Variants in PPARG observed in about 807,000 individuals in gnomAD.
The protein encoded by PPARG is peroxisome proliferator activated receptor gamma, also known as peroxisome proliferator-activated receptor gamma.
Under a neutral mutation model 39.2 loss-of-function variants are expected in PPARG, and 17 were observed. The observed-to-expected ratio is 0.43, with a 90% CI of 0.30 to 0.65. The LOEUF is 0.65. Among genes scored for constraint, PPARG ranks in the 30% least tolerant of loss-of-function variants. The pLI, the probability that PPARG is intolerant of heterozygous loss-of-function variation, is 0.13. For missense variants in PPARG, 406 were observed against 585.9 expected (o/e 0.69, Z 3.17); for synonymous variants, 223 against 215.7 (o/e 1.03, Z -0.30).
At chr3:12,351,724 A>T in intron 2 of PPARG, 1 of 1,436,370 alleles carries the variant, frequency 7.0e-7, no homozygotes, top group South Asian at 1.1e-5. Flanking sequence ...GCATTTATGT[A>T]AGGGTAAAAT....
chr3:12,322,496 A>G (rs922181404), intron 2 of PPARG, among the ~76,000 whole-genome samples: 1 of 152,234 alleles, frequency 6.6e-6, no homozygotes, highest in Admixed American at 6.5e-5. Flanking sequence ...GCATGCAGTA[A>G]AAGTTCAGAG....
intron 6 of PPARG, among the ~76,000 whole-genome samples, chr3:12,407,936 G>A (rs1465229739): frequency 6.6e-6 from 1 of 152,162 alleles, no homozygotes; most frequent in Non-Finnish European, 1.5e-5. Context: ...ACATGCACCT[G>A]ACTACTGCTA....
intron 1 of PPARG, among the ~76,000 whole-genome samples, chr3:12,302,823 T>C (rs1485685394): frequency 2.0e-5 from 3 of 152,062 alleles, no homozygotes; most frequent in African/African-American, 7.2e-5. Context: ...GAAGATTAAT[T>C]TGGCAGTAGC....
At chr3:12,331,982 G>A (rs2047875195) in intron 2 of PPARG, among the ~76,000 whole-genome samples, 1 of 152,194 alleles carries the variant, frequency 6.6e-6, no homozygotes, top group South Asian at 2.1e-4. Context: ...GAGGACTGAG[G>A]CAGAGATATA....
At chr3:12,298,600 AT>A (rs1265146477) in intron 1 of PPARG, among the ~76,000 whole-genome samples, 1 of 152,166 alleles carries the variant, frequency 6.6e-6, no homozygotes, top group African/African-American at 2.4e-5. Context: ...AATAATCTTT[AT>A]CTTAAAGTTT....
At chr3:12,429,740 C>G (rs1460503654) in intron 7 of PPARG, among the ~76,000 whole-genome samples, 1 of 152,162 alleles carries the variant, frequency 6.6e-6, no homozygotes, top group Non-Finnish European at 1.5e-5. Flanking sequence ...ATTCATCAAG[C>G]AGGAGGATCT....
chr3:12,427,868 G>A (rs1057446585), intron 7 of PPARG, among the ~76,000 whole-genome samples: 1 of 152,222 alleles, frequency 6.6e-6, no homozygotes, highest in African/African-American at 2.4e-5. Context: ...TTCATTGTCT[G>A]TGGATCAATT....
intron 2 of PPARG, among the ~76,000 whole-genome samples, chr3:12,366,297 C>T (rs2049013892): frequency 1.3e-5 from 2 of 151,724 alleles, no homozygotes; most frequent in Admixed American, 1.3e-4. Flanking sequence ...TTGTATCCTG[C>T]AACCTTGCTA....
intron 2 of PPARG, among the ~76,000 whole-genome samples, chr3:12,313,814 A>G (rs769718095): frequency 6.6e-6 from 1 of 152,020 alleles, no homozygotes; most frequent in South Asian, 2.1e-4. Flanking sequence ...ATGTATACAC[A>G]TGAGTCCAAA....
chr3:12,289,706 A>G (rs539592169), intron 1 of PPARG, among the ~76,000 whole-genome samples: 4 of 152,172 alleles, frequency 2.6e-5, no homozygotes, highest in African/African-American at 7.2e-5. Context: ...GATTTAGAAA[A>G]CCTTTCTGGT....
At chr3:12,371,853 T>A in intron 2 of PPARG, 1 of 687,914 alleles carries the variant, frequency 1.5e-6, no homozygotes. Flanking sequence ...TGCTGTAGTG[T>A]TTCAGGATGA....
rs138038967 is a variant in PPARG, at chr3:12,379,768, T to G, written c.57T>G (p.Asp19Glu). The G allele has an allele frequency of 5.0e-6, 8 of 1,613,912 alleles. No homozygotes were observed. The African/African-American group carries it at 1.1e-4, about 22-fold the overall frequency. The stretch of plus-strand genomic sequence containing the variant: ...CCAACTTTGGGATCAGCTCCGTGGA[T>G]CTCTCCGTAATGGAAGACCACTCCC... ...WPTNFGISSV[D>E]LSVMEDHSHS... The change falls in exon 3 of 8, where the codon GAT becomes GAG. Residue 19 changes from aspartate (D) to glutamate (E), a missense_variant. By Grantham distance (45) the Asp-to-Glu change is conservative. Around this residue, in one of 2 missense-constraint regions of PPARG, gnomAD observed 131 missense variants for 127.9 expected, o/e 1.02. Coordinates refer to ENST00000651735, the MANE Select transcript of PPARG (RefSeq NM_138711.6).
chr3:12,387,053 C>A (rs2049901107), intron 4 of PPARG, among the ~76,000 whole-genome samples: 1 of 152,152 alleles, frequency 6.6e-6, no homozygotes, highest in Non-Finnish European at 1.5e-5. Flanking sequence ...ATGGACTCAT[C>A]CTTTTTTATG....
chr3:12,300,550 G>T (rs946003851), intron 1 of PPARG, among the ~76,000 whole-genome samples: 1 of 149,712 alleles, frequency 6.7e-6, no homozygotes, highest in African/African-American at 2.4e-5. Flanking sequence ...TATAACTTGT[G>T]TATGAAATAT....
chr3:12,293,745 G>A (rs2046708829), intron 1 of PPARG, among the ~76,000 whole-genome samples: 1 of 152,204 alleles, frequency 6.6e-6, no homozygotes, highest in South Asian at 2.1e-4. Flanking sequence ...CAAGGGAATG[G>A]AAAGAGGTTA....
intron 7 of PPARG, among the ~76,000 whole-genome samples, chr3:12,430,992 A>C (rs2051640954): frequency 1.3e-5 from 2 of 152,326 alleles, no homozygotes; most frequent in Admixed American, 1.3e-4. Context: ...CAGGTCATGA[A>C]GGACATTAAA....
intron 2 of PPARG, among the ~76,000 whole-genome samples, chr3:12,365,081 G>A (rs1559509127): frequency 6.6e-6 from 1 of 152,130 alleles, no homozygotes; most frequent in African/African-American, 2.4e-5. Flanking sequence ...ATTCTCATAC[G>A]GAGTGTGCAA....
At chr3:12,366,301 C>T (rs2049014097) in intron 2 of PPARG, among the ~76,000 whole-genome samples, 1 of 151,512 alleles carries the variant, frequency 6.6e-6, no homozygotes, top group Non-Finnish European at 1.5e-5. Context: ...ATCCTGCAAC[C>T]TTGCTATAAT....
rs1469268585 is a variant in PPARG at position 12,392,664 on chromosome 3, T to C, written c.441T>C (p.Asp147=). Residue 147 remains aspartate (D), a synonymous_variant, in exon 5 of 8, where the codon GAT becomes GAC. Transcript: ENST00000651735. ...IRLKLIYDRC[D]LNCRIHKKSR... is the part of the protein sequence containing the mutation. ...TGAAGCTTATCTATGACAGATGTGATCTTAACTGTCGGATCCACAAAAAAA... is the reference window on the plus strand; with the variant it reads ...TGAAGCTTATCTATGACAGATGTGACCTTAACTGTCGGATCCACAAAAAAA... The C allele has an allele frequency of 3.1e-6, 5 of 1,613,814 alleles. No homozygotes were observed. In the Admixed American group the frequency reaches 5.0e-5, roughly 16 times the overall value.
Sources: gnomAD v4.1 joint callset for allele counts (sites outside exome capture counted in the v4.1 genomes callset) on GRCh38, gnomAD v4.1.1 for gene constraint, gnomAD v4.1.1 regional missense constraint, MANE v1.5 for transcripts, NCBI Gene and HGNC (gene_info 2026-07-23, HGNC 2026-07-21) for gene names.